ZNF730: variants seen among roughly 807,000 people sequenced by gnomAD.
ZNF730 encodes zinc finger protein 730, also known as putative zinc finger protein 730.
Under a neutral mutation model 12.6 loss-of-function variants are expected in ZNF730, and 12 were observed. The observed-to-expected ratio is 0.95, with a 90% CI of 0.61 to 1.54. The LOEUF is 1.54. ZNF730 is among the 40% of genes most tolerant of loss of function. The pLI, the probability that ZNF730 is intolerant of heterozygous loss-of-function variation, is 0.00. For missense variants in ZNF730, 643 were observed against 583.5 expected, an observed-to-expected ratio of 1.10 and a Z score of -1.05; for synonymous variants, 194 against 195.8, an observed-to-expected ratio of 0.99 and a Z score of 0.08.
At chr19:23,094,061 A>G (rs1599573814) in intron 1 of ZNF730, among the ~76,000 whole-genome samples, 1 of 151,944 alleles carries the variant, frequency 6.6e-6, no homozygotes, top group African/African-American at 2.4e-5. Flanking sequence ...GCTCACTGCT[A>G]CCTCCATCTT....
chr19:23,090,626 A>T (rs1393033471), intron 1 of ZNF730, among the ~76,000 whole-genome samples: 1 of 152,174 alleles, frequency 6.6e-6, no homozygotes, highest in Non-Finnish European at 1.5e-5. Flanking sequence ...CCCCAAGACC[A>T]TGGGGAAAAC....
chr19:23,075,745 T>G (rs1336329896), intron 1 of ZNF730, among the ~76,000 whole-genome samples: 2 of 152,056 alleles, frequency 1.3e-5, no homozygotes, highest in African/African-American at 2.4e-5. Flanking sequence ...CTGTTATTTT[T>G]TTTTTCTTTT....
chr19:23,139,011 A>T (rs1970875723), intron 3 of ZNF730, among the ~76,000 whole-genome samples: 1 of 151,884 alleles, frequency 6.6e-6, no homozygotes, highest in African/African-American at 2.4e-5. Flanking sequence ...TTTGTGTGTA[A>T]TTTTAGATTG....
chr19:23,093,701 C>T (rs912878110), intron 1 of ZNF730, among the ~76,000 whole-genome samples: 5 of 152,208 alleles, frequency 3.3e-5, no homozygotes, highest in African/African-American at 4.8e-5. Context: ...GGTCCCAGCC[C>T]TCTCCCACCC....
chr19:23,090,248 G>GA (rs570169306), intron 1 of ZNF730, among the ~76,000 whole-genome samples: 18,188 of 141,150 alleles, frequency 0.13, 1,506 homozygotes, highest in African/African-American at 0.24. Context: ...CCATCTCAAA[G>GA]AAAAAAAAAA....
rs1307622092 is a variant in ZNF730 at position 23,146,346 on chromosome 19, C to T, written c.1302C>T (p.Asn434=). 1 of 1,613,000 alleles carries T rather than the reference C, an allele frequency of 6.2e-7. No homozygotes were observed. Among genetic ancestry groups the T allele is most frequent in the Non-Finnish European group, 8.5e-7 (1 of 1,179,784 alleles). Reference sequence around the variant, plus strand: ...GTGAAGAATGTGGCAGAGCTTTCAACCAGTCCTCAACCCTTACTACACATA... The same window carrying T: ...GTGAAGAATGTGGCAGAGCTTTCAATCAGTCCTCAACCCTTACTACACATA... ...YKCEECGRAF[N]QSSTLTTHKR... is the part of the protein sequence containing the mutation. Residue 434 remains asparagine, a synonymous_variant, in exon 4 of 4, where the codon AAC becomes AAT. Coordinates refer to ENST00000597761, the MANE Select transcript of ZNF730 (RefSeq NM_001277403.2).
At chr19:23,140,504 G>C (rs1373931147) in intron 3 of ZNF730, among the ~76,000 whole-genome samples, 1 of 151,470 alleles carries the variant, frequency 6.6e-6, no homozygotes, top group Non-Finnish European at 1.5e-5. Context: ...CCAGCTACTT[G>C]GGAGGCTGAG....
rs538189146 is a variant in ZNF730, at chr19:23,146,022, C to T, written c.978C>T (p.Thr326=). The T allele has an allele frequency of 2.4e-5, 38 of 1,608,850 alleles. No individual in the cohort carries two copies. Among genetic ancestry groups the T allele is most frequent in the Non-Finnish European group, 3.0e-5 (35 of 1,178,522 alleles). Residue 326 remains threonine (T), a synonymous_variant, in exon 4 of 4, where the codon ACC becomes ACT. Transcript: ENST00000597761. The stretch of plus-strand genomic sequence containing the variant: ...GCAAAGCTTTTAAGTGGTCCTCAAC[C>T]CTTACAAAACATAAAAGAATTCATA... ...KCGKAFKWSS[T]LTKHKRIHNG...
intron 1 of ZNF730, among the ~76,000 whole-genome samples, chr19:23,088,613 G>C (rs1970105828): frequency 6.6e-6 from 1 of 150,994 alleles, no homozygotes; most frequent in Non-Finnish European, 1.5e-5. Flanking sequence ...ACAGGCGTGT[G>C]CTACCACGCC....
chr19:23,109,264 T>C (rs939862200), intron 1 of ZNF730, among the ~76,000 whole-genome samples: 1 of 151,950 alleles, frequency 6.6e-6, no homozygotes, highest in African/African-American at 2.4e-5. Flanking sequence ...GGAGTCTTGC[T>C]CTGTCACCAG....
chr19:23,088,836 A>G (rs8104294), intron 1 of ZNF730, among the ~76,000 whole-genome samples: 7,648 of 152,000 alleles, frequency 0.05, 227 homozygotes, highest in Middle Eastern at 0.089. Flanking sequence ...TGAAATGATC[A>G]TGTGGTTTTG....
chr19:23,121,209 AG>A (rs1489176704), intron 1 of ZNF730, among the ~76,000 whole-genome samples: 1 of 152,182 alleles, frequency 6.6e-6, no homozygotes, highest in African/African-American at 2.4e-5. Flanking sequence ...GATGTCTATT[AG>A]GACTATTTGG....
chr19:23,109,988 C>T (rs1047628542), intron 1 of ZNF730, among the ~76,000 whole-genome samples: 14 of 151,148 alleles, frequency 9.3e-5, no homozygotes, highest in Admixed American at 7.9e-4. Flanking sequence ...TTTTTTAAGA[C>T]GGAGTTTCAC....
At chr19:23,086,890 C>A (rs1275687657) in intron 1 of ZNF730, among the ~76,000 whole-genome samples, 1 of 152,058 alleles carries the variant, frequency 6.6e-6, no homozygotes, top group Non-Finnish European at 1.5e-5. Flanking sequence ...GGCAGTATGG[C>A]CATTTTAGTG....
At position 23,134,203 on chromosome 19, in the gene ZNF730, C is replaced by T; in HGVS notation, c.127C>T (p.Leu43=). 6.2e-7 allele frequency: 1 copy of T among 1,604,362 alleles called. No homozygotes were observed. The highest frequency in any genetic ancestry group is 8.5e-7 in the Non-Finnish European group (1 of 1,175,992). The change falls in exon 2 of 4, where the codon CTG becomes TTG. Residue 43 remains leucine, a synonymous_variant. Coordinates refer to ENST00000597761, the MANE Select transcript of ZNF730 (RefSeq NM_001277403.2). ...AGATAACTACAGAAACCTGGTCTTC[C>T]TGGGTGAGGATAACTTTAATATACA... The part of the protein sequence containing the change: ...MLDNYRNLVF[L]GIAVSKPDLI...
chr19:23,125,705 A>G (rs1396437194), intron 1 of ZNF730: 1 of 152,766 alleles, frequency 6.5e-6, no homozygotes, highest in African/African-American at 2.4e-5. Flanking sequence ...GCCTATTTTA[A>G]GAGATAACAA....
chr19:23,091,984 A>G (rs1297876862), intron 1 of ZNF730, among the ~76,000 whole-genome samples: 1 of 152,174 alleles, frequency 6.6e-6, no homozygotes, highest in Non-Finnish European at 1.5e-5. Context: ...TCAAATCTCA[A>G]CTTGAGTTGT....
At chr19:23,093,553 G>T (rs1015535905) in intron 1 of ZNF730, among the ~76,000 whole-genome samples, 3 of 152,204 alleles carry the variant, frequency 2.0e-5, no homozygotes, top group Non-Finnish European at 2.9e-5. Context: ...TGGGGGTGGG[G>T]GTGGTGGCAG....
rs563983422 is a variant in ZNF730 at position 23,134,290 on chromosome 19, G to A, written c.130+84G>A. 129 of 1,241,526 alleles carry A rather than the reference G, an allele frequency of 1.0e-4. No homozygotes were observed. In the African/African-American group the frequency reaches 1.6e-3, roughly 15 times the overall value. 76.9% of individuals were successfully genotyped at this position (1,241,526 alleles called of 1,614,324 possible). On this transcript the variant is annotated intron_variant, in intron 2 of 3. Transcript: ENST00000597761. The stretch of plus-strand genomic sequence containing the variant: ...TAAAAATTCTGTGCTTTCAGATCCC[G>A]GGTTTTTTTCTTTTTCTTTTTCTTT...
Sources: gnomAD v4.1 joint callset for allele counts (sites outside exome capture counted in the v4.1 genomes callset) on GRCh38, gnomAD v4.1.1 for gene constraint, MANE v1.5 for transcripts, NCBI Gene and HGNC (gene_info 2026-07-23, HGNC 2026-07-21) for gene names.